FBN3: variants seen among roughly 807,000 people sequenced by gnomAD.
FBN3 encodes the protein fibrillin-3.
Under a neutral mutation model 330.1 loss-of-function variants are expected in FBN3, and 234 were observed. The observed-to-expected ratio is 0.71, with a 90% CI of 0.64 to 0.79. The LOEUF is 0.79. FBN3 is among the 30% of genes least tolerant of loss of function. FBN3 has a pLI of 0.00. For missense variants in FBN3, 3,606 were observed against 3,886.9 expected (o/e 0.93, Z 1.92); for synonymous variants, 1,458 against 1,517.3 (o/e 0.96, Z 0.91).
chr19:8,123,004 G>A (rs1469370734), intron 24 of FBN3, among the ~76,000 whole-genome samples: 1 of 151,906 alleles, frequency 6.6e-6, no homozygotes, highest in African/African-American at 2.4e-5. Context: ...AGCCCAAGGA[G>A]GGCAATCACC....
chr19:8,088,258 A>G (rs2082013402), intron 51 of FBN3, 79 bp from the exon 52 acceptor site: 1 of 1,503,476 alleles, frequency 6.7e-7, no homozygotes, highest in Admixed American at 2.0e-5. Flanking sequence ...CTGCCTGTTG[A>G]CCACCACAGA....
rs957326240 is a variant in FBN3 at position 8,076,241 on chromosome 19, C to CGTGTGTGTGT, written c.7454-831_7454-830insACACACACAC. On this transcript the variant is annotated intron_variant, in intron 59 of 63. Transcript: ENST00000600128. ...TAAGCCAACCAGTGTATGGGTTGTC[C>CGTGTGTGTGT]GTGTGCGTGTGTGTGTGTGTGTGTG... 4.3e-5 allele frequency among the ~76,000 whole-genome samples: 3 copies of CGTGTGTGTGT among 69,260 alleles called. No individual in the cohort carries two copies. The East Asian group carries it at 8.5e-4, about 20-fold the overall frequency. The allele number at this position is 69,260 out of a possible 152,430, so 45.4% of individuals were successfully genotyped here. A position where few individuals can be genotyped will look rare whatever the true frequency, so the allele number is the denominator to read the frequency against.
In FBN3 at chr19:8,103,707, G is replaced by A. The variant is rs1479229452; in HGVS notation, c.4814-20C>T. Reference sequence around the variant, plus strand: ...CAATATCTGCAGGGAAAGAAGGGGTGGAGGGGAACAGTGGGCAGCGTCCAG... The same window carrying A: ...CAATATCTGCAGGGAAAGAAGGGGTAGAGGGGAACAGTGGGCAGCGTCCAG... On this transcript the variant is annotated intron_variant, in intron 38 of 63. Transcript: ENST00000600128. 7 of 1,609,928 alleles carry A rather than the reference G, an allele frequency of 4.3e-6. No individual in the cohort carries two copies. Among genetic ancestry groups the A allele is most frequent in the African/African-American group, 2.7e-5 (2 of 74,848 alleles).
Position 8,088,084 on chromosome 19 carries a change from G to A in FBN3, c.6472C>T (p.Pro2158Ser). 1.2e-6 allele frequency: 2 copies of A among 1,614,072 alleles called. No homozygotes were observed. The highest frequency in any genetic ancestry group is 1.1e-5 in the South Asian group (1 of 91,080). Reference protein sequence around the residue: ...FECACADGFEPGLMMTCEDID... With the variant: ...FECACADGFESGLMMTCEDID... ...CCCTCGCAGGTCATCATGAGGCCAG[G>A]CTCAAAGCCGTCAGCACAGGCACAT... Residue 2158 changes from proline (P) to serine (S), a missense_variant, in exon 52 of 64, where the codon CCT becomes TCT. Pro to Ser is a moderately conservative substitution (Grantham distance 74). Transcript: ENST00000600128.
rs1294557631 is a variant in FBN3 at position 8,130,659 on chromosome 19, G to GGAAAAGAAAA, written c.2044+566_2044+575dup. Among the ~76,000 whole-genome samples the GGAAAAGAAAA allele has an allele frequency of 2.9e-3, 109 of 37,238 alleles. 15 individuals are homozygous for GGAAAAGAAAA. The highest frequency in any genetic ancestry group is 5.1e-3 in the South Asian group (4 of 782). 24.4% of individuals were successfully genotyped at this position (37,238 alleles called of 152,430 possible). On this transcript the variant is annotated intron_variant, in intron 16 of 63. Coordinates refer to ENST00000600128, the MANE Select transcript of FBN3 (RefSeq NM_032447.5). The stretch of plus-strand genomic sequence containing the variant: ...AAGAAAGAAAGGAAAGGAAAGGAAA[G>GGAAAAGAAAA]GAAAAGAAAAGAAAAGAAAAGAAAA...
In FBN3 at chr19:8,104,344, G is replaced by A. The variant is rs145921847; in HGVS notation, c.4814-657C>T. Among the ~76,000 whole-genome samples, 81 of 151,720 alleles carry A rather than the reference G, an allele frequency of 5.3e-4. 1 individual carries two copies. The East Asian group carries it at 0.015, about 29-fold the overall frequency. ...AATTTAGCTGGGCATGGTGGCACAC[G>A]CCTGTGGTCCCAGCTACTTGAGAGG... is the stretch of plus-strand genomic sequence containing the variant. On this transcript the variant is annotated intron_variant, in intron 38 of 63. Coordinates refer to ENST00000600128, the MANE Select transcript of FBN3 (RefSeq NM_032447.5).
rs79073744 is a variant in FBN3 at position 8,090,203 on chromosome 19, G to C, written c.6080C>G (p.Ser2027Trp). ...CFTRFEAGKC[S>W]VPKAFNTTKT... ...GGTGGTGTTGAAAGCTTTGGGCACC[G>C]AGCACTTCCCAGCCTCAAAACGGGT... Residue 2027 changes from serine to tryptophan, a missense_variant, in exon 49 of 64, where the codon TCG (serine) becomes TGG (tryptophan). Transcript: ENST00000600128. 3.1e-6 allele frequency: 5 copies of C among 1,613,964 alleles called. No individual in the cohort carries two copies. Among genetic ancestry groups the C allele is most frequent in the Middle Eastern group, 1.6e-4 (1 of 6,062 alleles).
chr19:8,066,203 G>A lies in FBN3; in HGVS notation c.8146C>T (p.His2716Tyr), dbSNP rs544478907. The A allele has an allele frequency of 2.5e-6, 4 of 1,607,634 alleles. No homozygotes were observed. The highest frequency in any genetic ancestry group is 2.7e-5 in the African/African-American group (2 of 74,850). The change falls in exon 64 of 64, where the codon CAC becomes TAC. Residue 2716 changes from histidine (H) to tyrosine (Y), a missense_variant. Transcript: ENST00000600128. ...ALLTLGLNLS[H>Y]LGRAERILEL... The stretch of plus-strand genomic sequence containing the variant: ...AGGATGCGCTCGGCCCGGCCCAGGT[G>A]TGAGAGGTTCAGGCCCAAGGTCAGC...
At chr19:8,122,825 G>A (rs2082884613) in intron 24 of FBN3, among the ~76,000 whole-genome samples, 1 of 151,660 alleles carries the variant, frequency 6.6e-6, no homozygotes, top group Admixed American at 6.6e-5. Flanking sequence ...CCACCACGCT[G>A]GGCTAATTTT....
rs771032224 is a variant in FBN3 at position 8,121,305 on chromosome 19, C to T, written c.3164G>A (p.Cys1055Tyr). 2.5e-6 allele frequency: 4 copies of T among 1,613,200 alleles called. No homozygotes were observed. Among genetic ancestry groups the T allele is most frequent in the East Asian group, 2.2e-5 (1 of 44,836 alleles). ...VNTPGSFECE[C>Y]FPGYESGFML... The stretch of plus-strand genomic sequence containing the variant: ...GAAGCCACTCTCGTAGCCGGGAAAA[C>T]ACTCGCACTCAAAGCTGCCCGGCGT... Residue 1055 changes from cysteine to tyrosine, a missense_variant, in exon 25 of 64, where the codon TGT (cysteine) becomes TAT (tyrosine). Cys to Tyr is a radical substitution (Grantham distance 194, BLOSUM62 -2). Coordinates refer to ENST00000600128, the MANE Select transcript of FBN3 (RefSeq NM_032447.5). This position sits in a 1 kb window ranked among gnomAD's most constrained non-coding sequence, Gnocchi z 4.5.
At chr19:8,135,936 G>GGGGGGGGGGGGGGGGCGC in intron 13 of FBN3, 25 bp downstream of exon 13, 4 of 668,778 alleles carry the variant, frequency 6.0e-6, no homozygotes, top group Non-Finnish European at 9.6e-6. Context: ...GGAAGCCCCT[G>GGGGGGGGGGGGGGGGCGC]CCCACCCGCC....
chr19:8,089,880 G>A lies in FBN3; in HGVS notation c.6250+14C>T. 1 of 1,588,524 alleles carries A rather than the reference G, an allele frequency of 6.3e-7. No individual in the cohort carries two copies. Among genetic ancestry groups the A allele is most frequent in the Non-Finnish European group, 8.6e-7 (1 of 1,168,390 alleles). On this transcript the variant is annotated intron_variant, in intron 50 of 63. Transcript: ENST00000600128. ...GCCCAGAAGGGGCTCTTAGCATGTG[G>A]GTGAGGGGCTCACCTTCTCGGGAGT...
At position 8,065,763 on chromosome 19, in the gene FBN3, G is replaced by C; in HGVS notation, c.*156C>G. ...CCCCGGGGCTGGCACAGAGGCCCAGGCAGAGGCCGGGCTTGCCTGAGGTTG... is the reference window on the plus strand; with the variant it reads ...CCCCGGGGCTGGCACAGAGGCCCAGCCAGAGGCCGGGCTTGCCTGAGGTTG... On this transcript the variant is annotated 3_prime_UTR_variant, in exon 64 of 64. Transcript: ENST00000600128. 5.9e-6 allele frequency: 4 copies of C among 673,248 alleles called. No individual in the cohort carries two copies. Among genetic ancestry groups the C allele is most frequent in the Non-Finnish European group, 9.8e-6 (4 of 409,772 alleles). 41.7% of individuals were successfully genotyped at this position (673,248 alleles called of 1,614,324 possible).
Position 8,109,009 on chromosome 19 carries a change from A to T in FBN3, c.4618+218T>A, listed in dbSNP as rs2082513063. ...TGACTGAGTGATCAAGTGACTATAA[A>T]CACAGAGAATTTACAGAAAGCGACC... On this transcript the variant is annotated intron_variant, in intron 36 of 63. Coordinates refer to ENST00000600128, the MANE Select transcript of FBN3 (RefSeq NM_032447.5). The surrounding 1 kb of genome is among the most constrained non-coding windows in gnomAD (Gnocchi z 5.2). Among the ~76,000 whole-genome samples the T allele has an allele frequency of 2.0e-5, 3 of 152,144 alleles. No homozygotes were observed. The South Asian group carries it at 6.2e-4, about 31-fold the overall frequency.
chr19:8,082,650 C>T (rs1006153667), intron 57 of FBN3, among the ~76,000 whole-genome samples: 3 of 151,984 alleles, frequency 2.0e-5, no homozygotes, highest in Admixed American at 1.3e-4. Flanking sequence ...TGCACCAGCA[C>T]GTGCAGCTAA....
chr19:8,068,962 A>C (rs1179401546), intron 63 of FBN3, among the ~76,000 whole-genome samples: 1 of 152,172 alleles, frequency 6.6e-6, no homozygotes, highest in African/African-American at 2.4e-5. Flanking sequence ...ATTTGCTCTC[A>C]GAGACCCAGC....
Position 8,141,934 on chromosome 19 carries a change from A to G in FBN3, c.739+6T>C. On this transcript the variant is annotated splice_donor_region_variant and intron_variant, in intron 7 of 63. Transcript: ENST00000600128. ...CCTCCCACTCAGCCCTGACCCCACT[A>G]TTCACCTTGGCAGGCCCCCGTGTGG... 1 of 1,614,082 alleles carries G rather than the reference A, an allele frequency of 6.2e-7. No individual in the cohort carries two copies. Among genetic ancestry groups the G allele is most frequent in the Non-Finnish European group, 8.5e-7 (1 of 1,179,952 alleles).
chr19:8,149,243 C>G lies in FBN3; in HGVS notation c.-18+206G>C, dbSNP rs1381014910. On this transcript the variant is annotated intron_variant, in intron 1 of 63. Transcript: ENST00000600128. The surrounding 1 kb of genome is among the most constrained non-coding windows in gnomAD (Gnocchi z 5.5). ...CAGGGGCCCCGCGCCCCGGCCGAGC[C>G]CCTCCCGCCGGGTCCCCGCGCCCCC... 6.6e-6 allele frequency among the ~76,000 whole-genome samples: 1 copy of G among 151,538 alleles called. No individual in the cohort carries two copies. The highest frequency in any genetic ancestry group is 2.4e-5 in the African/African-American group (1 of 41,292).
At chr19:8,147,689 T>G in intron 1 of FBN3, 192 bp from the exon 2 acceptor site, 1 of 453,762 alleles carries the variant, frequency 2.2e-6, no homozygotes, top group Non-Finnish European at 3.8e-6. Context: ...GGTGTGATGT[T>G]AGAGAAGGGT....
Sources: allele counts gnomAD v4.1 joint callset (sites outside exome capture counted in the v4.1 genomes callset), GRCh38; gene constraint gnomAD v4.1.1; non-coding constraint Gnocchi (gnomAD v3.1); transcripts MANE v1.5; gene names NCBI Gene and HGNC (gene_info 2026-07-23, HGNC 2026-07-21).